STK40: variants seen among roughly 807,000 people sequenced by gnomAD.
STK40 encodes serine/threonine-protein kinase 40.
Under a neutral mutation model 47.9 loss-of-function variants are expected in STK40, and 13 were observed. The ratio of observed to expected loss-of-function variants is 0.27; its 90% confidence interval spans 0.18 to 0.43. The LOEUF is 0.43. Ranked by LOEUF, STK40 falls within the 20% of genes least tolerant of loss-of-function variation. The pLI is 1.00. For synonymous variants in STK40, 225 were observed against 243.2 expected, an observed-to-expected ratio of 0.93 and a Z score of 0.69; for missense variants, 460 against 595.1, an observed-to-expected ratio of 0.77 and a Z score of 2.36.
At chr1:36,362,118 C>T (rs908259768) in intron 1 of STK40, among the ~76,000 whole-genome samples, 5 of 152,222 alleles carry the variant, frequency 3.3e-5, no homozygotes, top group African/African-American at 4.8e-5. Context: ...CTGATAATCC[C>T]GAGATCCTCC....
chr1:36,367,303 G>A (rs1416953139), intron 1 of STK40, among the ~76,000 whole-genome samples: 1 of 152,336 alleles, frequency 6.6e-6, no homozygotes, highest in African/African-American at 2.4e-5. Context: ...GGCTGTAGCT[G>A]TGCCTGATTC....
In STK40 at chr1:36,340,676, C is replaced by T. The variant is rs535514834; in HGVS notation, c.*1079G>A. ...CTCAAGCCAGGCAGGCAGGGTCCCCCAATCCCTACAATTCTCCTGAGTCCC... is the reference window on the plus strand; with the variant it reads ...CTCAAGCCAGGCAGGCAGGGTCCCCTAATCCCTACAATTCTCCTGAGTCCC... On this transcript the variant is annotated 3_prime_UTR_variant, in exon 11 of 11. Transcript: ENST00000373132. 437 of 152,914 alleles carry T rather than the reference C, an allele frequency of 2.9e-3. 1 individual carries two copies. Among genetic ancestry groups the T allele is most frequent in the Non-Finnish European group, 4.9e-3 (336 of 68,164 alleles). 9.5% of individuals were successfully genotyped at this position (152,914 alleles called of 1,614,324 possible). A position where few individuals can be genotyped will look rare whatever the true frequency, so the allele number is the denominator to read the frequency against.
In STK40 at chr1:36,339,694, T is replaced by C. The variant is rs1646627494; in HGVS notation, c.*2061A>G. The C allele has an allele frequency of 6.5e-6, 1 of 152,700 alleles. No homozygotes were observed. 9.5% of individuals were successfully genotyped at this position (152,700 alleles called of 1,614,324 possible). A position where few individuals can be genotyped will look rare whatever the true frequency, so the allele number is the denominator to read the frequency against. On this transcript the variant is annotated 3_prime_UTR_variant, in exon 11 of 11. Transcript: ENST00000373132. ...CCCCATGTAGTACAAAAATATGTCTTTATACAAACTTTTTTGTGACTTTTT... is the reference window on the plus strand; with the variant it reads ...CCCCATGTAGTACAAAAATATGTCTCTATACAAACTTTTTTGTGACTTTTT...
At chr1:36,348,559 T>A in intron 7 of STK40, 141 bp downstream of exon 7, 2 of 671,172 alleles carry the variant, frequency 3.0e-6, no homozygotes, top group Non-Finnish European at 5.3e-6. Flanking sequence ...ACATTTTGTA[T>A]GGGGAGGGAC....
chr1:36,363,930 T>G (rs1646877987), intron 1 of STK40, among the ~76,000 whole-genome samples: 1 of 151,608 alleles, frequency 6.6e-6, no homozygotes, highest in African/African-American at 2.4e-5. Flanking sequence ...GGAGGGAAGA[T>G]CACGAGGTCA....
intron 9 of STK40, 50 bp downstream of exon 9, chr1:36,343,810 G>C (rs1187624512): frequency 2.6e-6 from 4 of 1,526,642 alleles, no homozygotes; most frequent in African/African-American, 1.4e-5. Context: ...AGGATGGGCA[G>C]AGGCCCTGAG....
rs186540589 is a variant in STK40 at position 36,365,786 on chromosome 1, G to A, written c.-8-4446C>T. 3.4e-3 allele frequency among the ~76,000 whole-genome samples: 524 copies of A among 152,258 alleles called. 2 individuals are homozygous for A. Among genetic ancestry groups the A allele is most frequent in the African/African-American group, 0.012 (497 of 41,534 alleles). On this transcript the variant is annotated intron_variant, in intron 1 of 10. Transcript: ENST00000373132. ...TGGTGGTCTGTAATTTTCCTCCATA[G>A]TACTTTCCAGATTTTGTAACTATGT...
chr1:36,364,088 T>C (rs1646879831), intron 1 of STK40, among the ~76,000 whole-genome samples: 1 of 151,964 alleles, frequency 6.6e-6, no homozygotes, highest in Non-Finnish European at 1.5e-5. Flanking sequence ...GAGGCGGAGC[T>C]TGCAGTGAGC....
At chr1:36,360,103 G>A (rs1646839063) in intron 2 of STK40, among the ~76,000 whole-genome samples, 1 of 152,166 alleles carries the variant, frequency 6.6e-6, no homozygotes, top group African/African-American at 2.4e-5. Flanking sequence ...TGTTTACTCT[G>A]TTTCTCTGTG....
At chr1:36,348,360 A>G (rs182716590) in intron 7 of STK40, among the ~76,000 whole-genome samples, 3 of 152,340 alleles carry the variant, frequency 2.0e-5, no homozygotes, top group African/African-American at 7.2e-5. Context: ...GCCTCAGCCT[A>G]GTCACACATA....
chr1:36,342,163 C>T (rs1483763218), intron 10 of STK40, 190 bp from the exon 11 acceptor site: 1 of 604,862 alleles, frequency 1.7e-6, no homozygotes, highest in African/African-American at 1.9e-5. Flanking sequence ...CTCCAGCCAA[C>T]CTCAACTCCC....
At chr1:36,345,991 A>ATATTTTTTTTTTTTTTTTTTTT in intron 7 of STK40, among the ~76,000 whole-genome samples, 2 of 26,468 alleles carry the variant, frequency 7.6e-5, no homozygotes, top group Non-Finnish European at 1.4e-4. Flanking sequence ...ATATATATAT[A>ATATTTTTTTTTTTTTTTTTTTT]TTTTTTTTTT....
intron 1 of STK40, among the ~76,000 whole-genome samples, chr1:36,373,352 C>T (rs1244554813): frequency 1.3e-5 from 2 of 152,130 alleles, no homozygotes; most frequent in Non-Finnish European, 2.9e-5. Context: ...AGAAACCATT[C>T]CCAGTGTTTC....
chr1:36,349,604 C>T (rs1284694082), intron 6 of STK40, among the ~76,000 whole-genome samples: 1 of 152,236 alleles, frequency 6.6e-6, no homozygotes, highest in African/African-American at 2.4e-5. Context: ...TGACTCATCC[C>T]TTACCTCGTA....
intron 1 of STK40, among the ~76,000 whole-genome samples, chr1:36,385,388 G>A (rs1363455518): frequency 6.6e-6 from 1 of 152,252 alleles, no homozygotes; most frequent in Non-Finnish European, 1.5e-5. Flanking sequence ...GAGGCAGAAG[G>A]TGTCTTTTTG....
chr1:36,353,136 A>C (rs1358146873), intron 6 of STK40, among the ~76,000 whole-genome samples: 7 of 152,162 alleles, frequency 4.6e-5, no homozygotes, highest in Admixed American at 2.6e-4. Flanking sequence ...TCATGGAATG[A>C]ATCACCCACC....
intron 4 of STK40, 29 bp downstream of exon 4, chr1:36,358,210 C>G (rs376301480): frequency 6.4e-7 from 1 of 1,555,108 alleles, no homozygotes; most frequent in Non-Finnish European, 8.8e-7. Flanking sequence ...CAGAGGTGAG[C>G]GCGAAGGGTG....
intron 1 of STK40, among the ~76,000 whole-genome samples, chr1:36,380,672 G>T (rs556043770): frequency 4.1e-4 from 62 of 152,328 alleles, no homozygotes; most frequent in African/African-American, 1.3e-3. Context: ...CAGAGGGAAG[G>T]GTTGCTCTTA....
chr1:36,381,727 G>A (rs571455429), intron 1 of STK40, among the ~76,000 whole-genome samples: 21 of 152,172 alleles, frequency 1.4e-4, no homozygotes, highest in African/African-American at 5.1e-4. Flanking sequence ...GGGCTCAAGC[G>A]ATCCTCCTGC....
Sources: allele counts gnomAD v4.1 joint callset (sites outside exome capture counted in the v4.1 genomes callset), GRCh38; gene constraint gnomAD v4.1.1; transcripts MANE v1.5; gene names NCBI Gene and HGNC (gene_info 2026-07-23, HGNC 2026-07-21).